Variants in NKAIN2 observed in about 807,000 individuals in gnomAD.
NKAIN2 encodes sodium/potassium transporting ATPase interacting 2.
In NKAIN2, 14 loss-of-function variants were observed where a neutral mutation model predicts 32.6. That is an observed-to-expected ratio of 0.43 (90% confidence interval 0.28 to 0.67). The LOEUF is 0.67. Ranked by LOEUF, NKAIN2 falls within the 30% of genes least tolerant of loss-of-function variation. The pLI is 0.17. For missense variants in NKAIN2, 198 were observed against 258.3 expected, an observed-to-expected ratio of 0.77 and a Z score of 1.60; for synonymous variants, 80 against 87.2, an observed-to-expected ratio of 0.92 and a Z score of 0.46.
intron 3 of NKAIN2, among the ~76,000 whole-genome samples, chr6:124,627,966 T>G (rs935859159): frequency 6.6e-6 from 1 of 152,030 alleles, no homozygotes; most frequent in Non-Finnish European, 1.5e-5. Context: ...ACGCACAAAC[T>G]CACATGCATT....
At chr6:123,850,088 G>A (rs905388773) in intron 1 of NKAIN2, among the ~76,000 whole-genome samples, 2 of 151,052 alleles carry the variant, frequency 1.3e-5, no homozygotes, top group African/African-American at 2.4e-5. Flanking sequence ...GATTACAAGC[G>A]AGAGCCCGCA....
At chr6:123,900,863 G>A (rs1456282837) in intron 1 of NKAIN2, among the ~76,000 whole-genome samples, 2 of 152,006 alleles carry the variant, frequency 1.3e-5, no homozygotes, top group Non-Finnish European at 2.9e-5. Flanking sequence ...ATCAGCAAAA[G>A]AAGATTAAAA....
chr6:124,463,557 C>T (rs1372580209), intron 3 of NKAIN2, among the ~76,000 whole-genome samples: 1 of 152,058 alleles, frequency 6.6e-6, no homozygotes, highest in Non-Finnish European at 1.5e-5. Context: ...CCTTCTACTC[C>T]ATGTGCCTGT....
chr6:124,710,768 T>A (rs2114602597), intron 4 of NKAIN2, among the ~76,000 whole-genome samples: 1 of 147,842 alleles, frequency 6.8e-6, no homozygotes, highest in Admixed American at 6.7e-5. Flanking sequence ...CACTGATGGG[T>A]CTTGACTCTT....
intron 1 of NKAIN2, among the ~76,000 whole-genome samples, chr6:124,041,269 G>T (rs920092211): frequency 6.6e-6 from 1 of 151,894 alleles, no homozygotes; most frequent in African/African-American, 2.4e-5. Flanking sequence ...ATCATTATCC[G>T]CACATCATCT....
chr6:124,349,213 AAG>A (rs1405261277), intron 2 of NKAIN2, among the ~76,000 whole-genome samples: 2 of 152,018 alleles, frequency 1.3e-5, no homozygotes, highest in African/African-American at 4.8e-5. Flanking sequence ...TCAGCAAAGC[AAG>A]AGAGTCCTGT....
chr6:124,462,009 G>T (rs1048791948), intron 3 of NKAIN2, among the ~76,000 whole-genome samples: 2 of 151,706 alleles, frequency 1.3e-5, no homozygotes, highest in African/African-American at 4.8e-5. Context: ...CTCAATATTT[G>T]CATGTAACAA....
chr6:124,628,311 C>T (rs564088083), intron 3 of NKAIN2, among the ~76,000 whole-genome samples: 2 of 152,192 alleles, frequency 1.3e-5, no homozygotes, highest in East Asian at 3.9e-4. Flanking sequence ...ATATATTCTA[C>T]CCTAAGATGT....
intron 1 of NKAIN2, among the ~76,000 whole-genome samples, chr6:124,075,010 C>T (rs1783627866): frequency 6.6e-6 from 1 of 152,062 alleles, no homozygotes. Context: ...GAAGGATGAA[C>T]GTACTTACTA....
intron 3 of NKAIN2, among the ~76,000 whole-genome samples, chr6:124,621,207 T>G (rs1783095354): frequency 6.6e-6 from 1 of 152,182 alleles, no homozygotes; most frequent in Non-Finnish European, 1.5e-5. Flanking sequence ...ACCACTACTC[T>G]AAGGCAATTT....
chr6:124,321,499 A>G (rs1029723915), intron 2 of NKAIN2, among the ~76,000 whole-genome samples: 4 of 152,198 alleles, frequency 2.6e-5, no homozygotes, highest in Non-Finnish European at 4.4e-5. Context: ...GCTAAGTCAT[A>G]AATAAAGCAT....
chr6:123,996,579 C>T (rs547419483), intron 1 of NKAIN2, among the ~76,000 whole-genome samples: 2 of 152,198 alleles, frequency 1.3e-5, no homozygotes, highest in East Asian at 3.9e-4. Flanking sequence ...TAAAGAATTT[C>T]AAATTAACTA....
chr6:123,986,650 G>A (rs1052458528), intron 1 of NKAIN2, among the ~76,000 whole-genome samples: 28 of 152,156 alleles, frequency 1.8e-4, no homozygotes, highest in South Asian at 6.2e-4. Flanking sequence ...GATTATTACC[G>A]CTGGCATTAG....
intron 1 of NKAIN2, among the ~76,000 whole-genome samples, chr6:123,970,570 A>G (rs1164050640): frequency 6.6e-6 from 1 of 151,948 alleles, no homozygotes; most frequent in Non-Finnish European, 1.5e-5. Context: ...TTATTTTTTC[A>G]TTGTTCTTTA....
intron 3 of NKAIN2, among the ~76,000 whole-genome samples, chr6:124,550,000 G>C (rs187654715): frequency 7.7e-4 from 118 of 152,270 alleles, no homozygotes; most frequent in African/African-American, 2.6e-3. Context: ...GCAAGTTTCT[G>C]CTTTCTCTTT....
chr6:124,372,966 A>G (rs937190098), intron 3 of NKAIN2, among the ~76,000 whole-genome samples: 7 of 152,208 alleles, frequency 4.6e-5, no homozygotes, highest in African/African-American at 7.2e-5. Context: ...ATTGAAAAAC[A>G]TAAGTATGAT....
intron 1 of NKAIN2, among the ~76,000 whole-genome samples, chr6:123,941,804 G>T (rs1279248868): frequency 6.6e-6 from 1 of 151,818 alleles, no homozygotes; most frequent in Non-Finnish European, 1.5e-5. Flanking sequence ...TTGTATCTAT[G>T]GCGTCAATTC....
At position 124,646,693 on chromosome 6, in the gene NKAIN2, G is replaced by A. The variant is rs143679644; in HGVS notation, c.274-11493G>A. On this transcript the variant is annotated intron_variant, in intron 3 of 6. Transcript: ENST00000368417. Reference sequence around the variant, plus strand: ...AGGCTAGGTGCAGTGGCTCACACCTGTAATCCCAGCAGTTTGGGAAGCCGA... The same window carrying A: ...AGGCTAGGTGCAGTGGCTCACACCTATAATCCCAGCAGTTTGGGAAGCCGA... Among the ~76,000 whole-genome samples the A allele has an allele frequency of 6.4e-3, 973 of 152,232 alleles. 14 individuals are homozygous for A. The highest frequency in any genetic ancestry group is 0.022 in the African/African-American group (933 of 41,548).
intron 1 of NKAIN2, among the ~76,000 whole-genome samples, chr6:123,911,910 C>A (rs1775232817): frequency 6.7e-6 from 1 of 148,678 alleles, no homozygotes; most frequent in East Asian, 2.0e-4. Context: ...GGGCATCAAC[C>A]AACCAATTTT....
Sources: gnomAD v4.1 joint callset for allele counts (sites outside exome capture counted in the v4.1 genomes callset) on GRCh38, gnomAD v4.1.1 for gene constraint, MANE v1.5 for transcripts, NCBI Gene and HGNC (gene_info 2026-07-23, HGNC 2026-07-21) for gene names.